The following CPNE4 variants were observed in gnomAD, a reference collection of about 807,000 sequenced individuals.
CPNE4 encodes the protein copine-4.
A neutral mutation model predicts 67.9 loss-of-function variants in CPNE4; 25 were observed. The observed-to-expected ratio is 0.37, with a 90% confidence interval of 0.27 to 0.51. CPNE4 has a LOEUF of 0.51. CPNE4 is among the 20% of genes least tolerant of loss of function. CPNE4 has a pLI of 0.93. For synonymous variants in CPNE4, 242 were observed against 244.9 expected (o/e 0.99, Z 0.11); for missense variants, 464 against 690.8 (o/e 0.67, Z 3.68).
intron 2 of CPNE4, among the ~76,000 whole-genome samples, chr3:131,761,969 A>G (rs534535508): frequency 1.3e-5 from 2 of 152,252 alleles, no homozygotes; most frequent in South Asian, 2.1e-4. Flanking sequence ...ATAGTCAATC[A>G]ATTAGGGAGC....
chr3:131,784,922 C>T (rs1199636493), intron 2 of CPNE4, among the ~76,000 whole-genome samples: 6 of 152,084 alleles, frequency 3.9e-5, no homozygotes, highest in African/African-American at 7.2e-5. Flanking sequence ...TTGGCTATTT[C>T]ACATGAAGAC....
At chr3:131,935,747 T>C (rs1172625280) in intron 1 of CPNE4, among the ~76,000 whole-genome samples, 1 of 151,878 alleles carries the variant, frequency 6.6e-6, no homozygotes, top group African/African-American at 2.4e-5. Flanking sequence ...GAAAGGGATA[T>C]CTTAGGAGTT....
chr3:131,723,290 G>A (rs917683165), intron 3 of CPNE4, among the ~76,000 whole-genome samples, 156 bp downstream of exon 3: 1 of 152,138 alleles, frequency 6.6e-6, no homozygotes, highest in African/African-American at 2.4e-5. Context: ...AAACATAATG[G>A]ATATGACACC....
intron 7 of CPNE4, among the ~76,000 whole-genome samples, chr3:131,604,245 T>A (rs1038324837): frequency 6.6e-6 from 1 of 152,152 alleles, no homozygotes; most frequent in African/African-American, 2.4e-5. Context: ...ATCTTTCCAC[T>A]GGAACATCAA....
At chr3:131,755,238 T>C (rs2082724744) in intron 2 of CPNE4, among the ~76,000 whole-genome samples, 1 of 151,494 alleles carries the variant, frequency 6.6e-6, no homozygotes, top group African/African-American at 2.4e-5. Flanking sequence ...AGAAAATAAC[T>C]GAGCCACTAA....
intron 2 of CPNE4, among the ~76,000 whole-genome samples, chr3:131,793,637 A>C (rs2083841914): frequency 6.6e-6 from 1 of 152,184 alleles, no homozygotes; most frequent in Non-Finnish European, 1.5e-5. Flanking sequence ...TTTTTAAAAC[A>C]CACAGAATTT....
intron 7 of CPNE4, among the ~76,000 whole-genome samples, chr3:131,614,038 G>C (rs1940001675): frequency 6.6e-6 from 1 of 152,192 alleles, no homozygotes; most frequent in East Asian, 1.9e-4. Flanking sequence ...CCCGCATAGA[G>C]AAACATGAAT....
chr3:131,832,136 T>A (rs1390450394), intron 2 of CPNE4, among the ~76,000 whole-genome samples: 2 of 152,316 alleles, frequency 1.3e-5, no homozygotes, highest in African/African-American at 4.8e-5. Context: ...AATATTAAAA[T>A]GTCATTATAG....
chr3:131,694,928 T>G (rs191210666), intron 5 of CPNE4, among the ~76,000 whole-genome samples: 1 of 152,324 alleles, frequency 6.6e-6, no homozygotes, highest in Non-Finnish European at 1.5e-5. Context: ...TCATTTAGGT[T>G]GCTAGATTTG....
intron 2 of CPNE4, among the ~76,000 whole-genome samples, chr3:131,811,377 T>C (rs1214991072): frequency 6.6e-6 from 1 of 152,018 alleles, no homozygotes; most frequent in Non-Finnish European, 1.5e-5. Context: ...GTAGAGTGGT[T>C]TAAAAAATAT....
At chr3:131,756,014 C>G (rs1313061576) in intron 2 of CPNE4, among the ~76,000 whole-genome samples, 5 of 152,068 alleles carry the variant, frequency 3.3e-5, no homozygotes, top group Non-Finnish European at 7.4e-5. Context: ...TTATCATCCA[C>G]CAAGAATGTA....
chr3:131,763,289 C>T (rs928123889), intron 2 of CPNE4, among the ~76,000 whole-genome samples: 4 of 152,122 alleles, frequency 2.6e-5, no homozygotes, highest in Admixed American at 6.6e-5. Context: ...AAGTAGTCTT[C>T]GTTTGATGCA....
chr3:131,642,987 C>T (rs776344587), intron 7 of CPNE4, among the ~76,000 whole-genome samples: 21 of 152,154 alleles, frequency 1.4e-4, no homozygotes, highest in African/African-American at 3.1e-4. Flanking sequence ...CTGGGTAAAA[C>T]GGGCAGAGAT....
Position 131,534,090 on chromosome 3 carries a change from A to G in CPNE4, c.*1105T>C, listed in dbSNP as rs925762871. On this transcript the variant is annotated 3_prime_UTR_variant, in exon 16 of 16. Transcript: ENST00000429747. ...GAGCTGTACTGCATAGCCATTTGCC[A>G]TGTGTAAGTTTCTATTGTTGTGGTT... The G allele has an allele frequency of 6.6e-6, 1 of 152,208 alleles. No individual in the cohort carries two copies. The highest frequency in any genetic ancestry group is 1.5e-5 in the Non-Finnish European group (1 of 68,042). The allele number at this position is 152,208 out of a possible 1,614,324, so 9.4% of individuals were successfully genotyped here.
chr3:131,766,296 A>ACATAGTATCCGGCACATAG (rs145336735), intron 2 of CPNE4, among the ~76,000 whole-genome samples: 16 of 152,006 alleles, frequency 1.1e-4, no homozygotes, highest in Non-Finnish European at 2.1e-4. Flanking sequence ...AAAGTGTTTT[A>ACATAGTATCCGGCACATAG]CAAGTACTCA....
chr3:131,716,490 C>T (rs1172293700), intron 3 of CPNE4, among the ~76,000 whole-genome samples: 1 of 152,134 alleles, frequency 6.6e-6, no homozygotes, highest in African/African-American at 2.4e-5. Flanking sequence ...CAGTAAAATA[C>T]TTGACAAACC....
At chr3:131,595,059 A>C (rs1026058479) in intron 7 of CPNE4, among the ~76,000 whole-genome samples, 1 of 152,234 alleles carries the variant, frequency 6.6e-6, no homozygotes. Flanking sequence ...CACACACAAA[A>C]GATAACAAGT....
intron 2 of CPNE4, among the ~76,000 whole-genome samples, chr3:131,864,285 A>G (rs2086833381): frequency 6.6e-6 from 1 of 151,638 alleles, no homozygotes; most frequent in Admixed American, 6.6e-5. Flanking sequence ...GAATCTATAA[A>G]TTACCTTAGG....
At chr3:132,007,476 A>C (rs2073640476) in intron 1 of CPNE4, among the ~76,000 whole-genome samples, 1 of 152,194 alleles carries the variant, frequency 6.6e-6, no homozygotes, top group Non-Finnish European at 1.5e-5. Flanking sequence ...CGTAAGTATT[A>C]AATTGTTGGA....
Sources: gnomAD v4.1 joint callset for allele counts (sites outside exome capture counted in the v4.1 genomes callset) on GRCh38, gnomAD v4.1.1 for gene constraint, MANE v1.5 for transcripts, NCBI Gene and HGNC (gene_info 2026-07-23, HGNC 2026-07-21) for gene names.